The following ARHGEF28 variants were observed in gnomAD, a reference collection of about 807,000 sequenced individuals.
ARHGEF28 encodes the protein 190 kDa guanine nucleotide exchange factor.
A neutral mutation model predicts 206.6 loss-of-function variants in ARHGEF28; 152 were observed. The observed-to-expected ratio is 0.74, with a 90% CI of 0.64 to 0.84. The LOEUF is 0.84. ARHGEF28 is among the 40% of genes least tolerant of loss of function. The pLI is 0.00. For missense variants in ARHGEF28, 2,028 were observed against 2,073.2 expected, an observed-to-expected ratio of 0.98 and a Z score of 0.42; for synonymous variants, 763 against 776.4, an observed-to-expected ratio of 0.98 and a Z score of 0.29.
At chr5:73,890,154 C>G (rs746737) in intron 26 of ARHGEF28, among the ~76,000 whole-genome samples, 39,747 of 152,000 alleles carry the variant, frequency 0.26, 7,313 homozygotes, top group African/African-American at 0.52. Context: ...AGTATGAATA[C>G]CGATGGACAG....
At chr5:73,710,708 A>G (rs1749187631) in intron 2 of ARHGEF28, among the ~76,000 whole-genome samples, 1 of 152,138 alleles carries the variant, frequency 6.6e-6, no homozygotes, top group South Asian at 2.1e-4. Flanking sequence ...ATACCTCTGA[A>G]TTAATTTTTT....
intron 13 of ARHGEF28, 131 bp from the exon 14 acceptor site, chr5:73,852,519 C>T (rs548448694): frequency 1.3e-6 from 1 of 773,868 alleles, no homozygotes; most frequent in Admixed American, 2.3e-5. Flanking sequence ...TATAAGGTAA[C>T]TCATTTTCTC....
chr5:73,886,209 C>A, intron 25 of ARHGEF28, 105 bp downstream of exon 25: 7 of 1,379,722 alleles, frequency 5.1e-6, no homozygotes, highest in Non-Finnish European at 6.8e-6. Flanking sequence ...GGCACACATG[C>A]GCAAACCCTG....
intron 18 of ARHGEF28, 59 bp from the exon 19 acceptor site, chr5:73,867,817 T>A: frequency 6.2e-7 from 1 of 1,608,114 alleles, no homozygotes; most frequent in South Asian, 1.1e-5. Context: ...TTTAAGTGAC[T>A]ACTTTTACTT....
At chr5:73,779,967 T>A (rs1753741956) in intron 6 of ARHGEF28, among the ~76,000 whole-genome samples, 1 of 152,194 alleles carries the variant, frequency 6.6e-6, no homozygotes, top group Non-Finnish European at 1.5e-5. Context: ...CCTATGTCAG[T>A]TATGTGATTA....
intron 7 of ARHGEF28, among the ~76,000 whole-genome samples, chr5:73,783,345 A>AGTGTGTGTGTGTGTGTGTGTGTGTGT: frequency 6.9e-6 from 1 of 145,918 alleles, no homozygotes; most frequent in Non-Finnish European, 1.5e-5. Context: ...CCTGGAATAT[A>AGTGTGTGTGTGTGTGTGTGTGTGTGT]GTGTGTGTGT....
In ARHGEF28 at chr5:73,941,747, C is replaced by T. The variant is rs986364329; in HGVS notation, c.*734C>T. On this transcript the variant is annotated 3_prime_UTR_variant, in exon 36 of 36. Coordinates refer to ENST00000513042, the MANE Select transcript of ARHGEF28 (RefSeq NM_001177693.2). ...CACTTCTATCAATCAGCTGTCCTGT[C>T]CCTGCCAGCACCTGGAGCACCAACT... 1.3e-5 allele frequency: 2 copies of T among 152,220 alleles called. No individual in the cohort carries two copies. The highest frequency in any genetic ancestry group is 6.5e-5 in the Admixed American group (1 of 15,268). The allele number at this position is 152,220 out of a possible 1,614,324, so 9.4% of individuals were successfully genotyped here. A position where few individuals can be genotyped will look rare whatever the true frequency, so the allele number is the denominator to read the frequency against.
At chr5:73,750,093 A>G (rs183053094) in intron 3 of ARHGEF28, 109 bp downstream of exon 3, 1 of 1,334,936 alleles carries the variant, frequency 7.5e-7, no homozygotes, top group East Asian at 2.3e-5. Context: ...CAGTGCTGCA[A>G]GGTCAGGAGT....
chr5:73,640,354 C>CT (rs1401178620), intron 1 of ARHGEF28, among the ~76,000 whole-genome samples: 1 of 152,122 alleles, frequency 6.6e-6, no homozygotes, highest in Non-Finnish European at 1.5e-5. Flanking sequence ...GTTAAACAGC[C>CT]TTATTAAGTA....
intron 1 of ARHGEF28, among the ~76,000 whole-genome samples, chr5:73,641,816 G>A (rs1744126850): frequency 6.6e-6 from 1 of 152,160 alleles, no homozygotes; most frequent in Non-Finnish European, 1.5e-5. Context: ...AGATCACTTT[G>A]TATCATTTGG....
intron 35 of ARHGEF28, among the ~76,000 whole-genome samples, chr5:73,913,200 G>T (rs770015854): frequency 6.6e-6 from 1 of 152,190 alleles, no homozygotes; most frequent in Non-Finnish European, 1.5e-5. Context: ...GGCCAAGGAC[G>T]CTCAGGACAT....
intron 29 of ARHGEF28, among the ~76,000 whole-genome samples, chr5:73,897,653 C>G (rs1300225761): frequency 6.6e-6 from 1 of 152,186 alleles, no homozygotes; most frequent in African/African-American, 2.4e-5. Context: ...AGTTAATTCT[C>G]TGTCGTAAAA....
chr5:73,834,862 C>T (rs1757526063), intron 10 of ARHGEF28, among the ~76,000 whole-genome samples: 2 of 152,060 alleles, frequency 1.3e-5, no homozygotes, highest in African/African-American at 4.8e-5. Context: ...ATGATGGTTG[C>T]ACAATAGCAA....
At chr5:73,806,810 GT>G (rs1273442200) in intron 9 of ARHGEF28, among the ~76,000 whole-genome samples, 1 of 128,156 alleles carries the variant, frequency 7.8e-6, no homozygotes, top group African/African-American at 3.1e-5. Flanking sequence ...ACATCTATAT[GT>G]GCCATATATA....
intron 2 of ARHGEF28, among the ~76,000 whole-genome samples, chr5:73,744,329 G>C (rs1431009222): frequency 6.6e-6 from 1 of 152,074 alleles, no homozygotes; most frequent in Non-Finnish European, 1.5e-5. Context: ...ATTGTGAAGA[G>C]GATAACCTAA....
intron 7 of ARHGEF28, among the ~76,000 whole-genome samples, chr5:73,781,275 C>T (rs1292289779): frequency 1.3e-5 from 2 of 152,158 alleles, no homozygotes; most frequent in Non-Finnish European, 2.9e-5. Flanking sequence ...TCGTCCTGTA[C>T]AGCTGTTTAC....
At chr5:73,768,886 A>G (rs1449329397) in intron 4 of ARHGEF28, among the ~76,000 whole-genome samples, 1 of 151,934 alleles carries the variant, frequency 6.6e-6, no homozygotes, top group Non-Finnish European at 1.5e-5. Context: ...GTAAGAGGTG[A>G]TTGAATTATG....
intron 2 of ARHGEF28, among the ~76,000 whole-genome samples, chr5:73,743,577 A>AT (rs1470749907): frequency 2.0e-5 from 3 of 152,234 alleles, no homozygotes; most frequent in African/African-American, 7.2e-5. Flanking sequence ...ACCAATTTGT[A>AT]TTTACGTGAA....
intron 2 of ARHGEF28, among the ~76,000 whole-genome samples, chr5:73,688,033 C>T (rs975923907): frequency 6.6e-6 from 1 of 152,064 alleles, no homozygotes; most frequent in Non-Finnish European, 1.5e-5. Flanking sequence ...AACAAAATAA[C>T]TCTGGCAAGT....
Sources: gnomAD v4.1 joint callset for allele counts (sites outside exome capture counted in the v4.1 genomes callset) on GRCh38, gnomAD v4.1.1 for gene constraint, MANE v1.5 for transcripts, NCBI Gene and HGNC (gene_info 2026-07-23, HGNC 2026-07-21) for gene names.